The following AUNIP variants were observed in gnomAD, a reference collection of about 807,000 sequenced individuals.
The protein encoded by AUNIP is aurora kinase A- and ninein-interacting protein.
AUNIP carries 16 observed loss-of-function variants against 12.2 expected under a neutral mutation model. The ratio of observed to expected loss-of-function variants is 1.31; its 90% CI spans 0.88 to 1.99. The LOEUF (loss-of-function observed/expected upper bound fraction) is 1.99, where lower values mean the gene tolerates loss of function less well. AUNIP is among the 30% of genes most tolerant of loss of function. AUNIP has a pLI of 0.00. For missense variants in AUNIP, 411 were observed against 419.1 expected (o/e 0.98, Z 0.17); for synonymous variants, 142 against 154.8 (o/e 0.92, Z 0.61).
At chr1:25,856,849 T>C (rs930814354) in intron 1 of AUNIP, among the ~76,000 whole-genome samples, 1 of 151,978 alleles carries the variant, frequency 6.6e-6, no homozygotes, top group Non-Finnish European at 1.5e-5. Context: ...GGCTCACACC[T>C]GTAATCCCAG....
chr1:25,846,022 A>G (rs2048380701), intron 1 of AUNIP, among the ~76,000 whole-genome samples: 1 of 152,238 alleles, frequency 6.6e-6, no homozygotes, highest in Non-Finnish European at 1.5e-5. Flanking sequence ...TCTAAACCTC[A>G]TGAAAATTCA....
chr1:25,859,264 T>C lies in AUNIP; in HGVS notation c.78+16A>G, dbSNP rs761905416. The C allele has an allele frequency of 6.4e-7, 1 of 1,565,618 alleles. No individual in the cohort carries two copies. Among genetic ancestry groups the C allele is most frequent in the Non-Finnish European group, 8.6e-7 (1 of 1,157,032 alleles). On this transcript the variant is annotated intron_variant, in intron 1 of 2. Transcript: ENST00000374298. ...CTACCTGGTTCCCAACGCCCTCTCA[T>C]CCCCCAGCGTCCCACCTGCACTTTC...
At chr1:25,837,313 C>T (rs2048310088) in intron 2 of AUNIP, 100 bp downstream of exon 2, 3 of 1,378,964 alleles carry the variant, frequency 2.2e-6, no homozygotes, top group Admixed American at 4.6e-5. Context: ...TAACACAATG[C>T]ACTGGTTTCA....
intron 1 of AUNIP, among the ~76,000 whole-genome samples, chr1:25,840,632 T>C (rs893545666): frequency 2.0e-5 from 3 of 152,228 alleles, no homozygotes; most frequent in African/African-American, 7.2e-5. Flanking sequence ...ACTTTATGAC[T>C]ACTTTGAACA....
chr1:25,837,581 T>C (rs1384470953), intron 1 of AUNIP, 27 bp from the exon 2 acceptor site: 2 of 1,602,936 alleles, frequency 1.2e-6, no homozygotes, highest in African/African-American at 2.7e-5. Flanking sequence ...AAAAGAATAA[T>C]GAGCCTATTA....
chr1:25,834,250 T>TG lies in AUNIP; in HGVS notation c.*742dup. On this transcript the variant is annotated 3_prime_UTR_variant, in exon 3 of 3. Coordinates refer to ENST00000374298, the MANE Select transcript of AUNIP (RefSeq NM_024037.3). The stretch of plus-strand genomic sequence containing the variant: ...GGTTGTGGGGAGATTTGCTAATCAC[T>TG]GAAAAAAAAGGGTCAAGAGTAATCA... The TG allele has an allele frequency of 1.0e-6, 1 of 984,982 alleles. No individual in the cohort carries two copies. The highest frequency in any genetic ancestry group is 1.2e-6 in the Non-Finnish European group (1 of 829,804). The allele number at this position is 984,982 out of a possible 1,614,324, so 61.0% of individuals were successfully genotyped here. A position where few individuals can be genotyped will look rare whatever the true frequency, so the allele number is the denominator to read the frequency against.
At chr1:25,851,999 C>A (rs973475405) in intron 1 of AUNIP, among the ~76,000 whole-genome samples, 1 of 152,176 alleles carries the variant, frequency 6.6e-6, no homozygotes, top group Non-Finnish European at 1.5e-5. Flanking sequence ...CTTACCCAGG[C>A]TGGAGTGCAG....
At chr1:25,831,982 A>C, downstream of AUNIP, 1 of 1,614,158 alleles carries the variant, frequency 6.2e-7, no homozygotes, top group Non-Finnish European at 8.5e-7. Context: ...CCTAAGGAGG[A>C]AGTTTGCTCT....
At chr1:25,846,692 T>C (rs1463936247) in intron 1 of AUNIP, among the ~76,000 whole-genome samples, 2 of 152,222 alleles carry the variant, frequency 1.3e-5, no homozygotes, top group African/African-American at 2.4e-5. Flanking sequence ...CACTCCAGCC[T>C]GGGCAGCTAA....
Position 25,837,116 on chromosome 1 carries a change from G to A in AUNIP, c.220+297C>T, listed in dbSNP as rs115324021. Among the ~76,000 whole-genome samples the A allele has an allele frequency of 4.2e-3, 640 of 152,274 alleles. 3 individuals carry two copies. The highest frequency in any genetic ancestry group is 0.014 in the African/African-American group (575 of 41,552). The stretch of plus-strand genomic sequence containing the variant: ...GATATATACCACCTAACTAATGGCA[G>A]GGCAACTCCCCAGTGCACCTCCAAC... On this transcript the variant is annotated intron_variant, in intron 2 of 2. Coordinates refer to ENST00000374298, the MANE Select transcript of AUNIP (RefSeq NM_024037.3).
At chr1:25,852,154 A>T (rs891423472) in intron 1 of AUNIP, among the ~76,000 whole-genome samples, 2 of 151,836 alleles carry the variant, frequency 1.3e-5, no homozygotes, top group Admixed American at 6.6e-5. Context: ...GGGTCTCCCT[A>T]TGTTGCCCAG....
At position 25,848,356 on chromosome 1, in the gene AUNIP, G is replaced by A. The variant is rs114344810; in HGVS notation, c.79-10802C>T. The stretch of plus-strand genomic sequence containing the variant: ...TAATTAGCCTGGGTTGGTGGTGCAC[G>A]CCTGTAATCCAGCTACATGAAAGGC... On this transcript the variant is annotated intron_variant, in intron 1 of 2. Transcript: ENST00000374298. Among the ~76,000 whole-genome samples the A allele has an allele frequency of 1.9e-3, 289 of 152,006 alleles. 1 individual carries two copies. The highest frequency in any genetic ancestry group is 6.3e-3 in the African/African-American group (263 of 41,436).
At chr1:25,840,520 A>T (rs2048341309) in intron 1 of AUNIP, among the ~76,000 whole-genome samples, 1 of 152,176 alleles carries the variant, frequency 6.6e-6, no homozygotes. Context: ...AAAGATAGCC[A>T]ATACGAGATC....
At chr1:25,833,193 A>G (rs1392176848), downstream of AUNIP, among the ~76,000 whole-genome samples, 1 of 151,948 alleles carries the variant, frequency 6.6e-6, no homozygotes, top group Non-Finnish European at 1.5e-5. Flanking sequence ...AGCTAACTGC[A>G]GCCTCCAAAC....
At position 25,834,956 on chromosome 1, in the gene AUNIP, C is replaced by T. The variant is rs1247933160; in HGVS notation, c.*37G>A. 6.4e-7 allele frequency: 1 copy of T among 1,571,976 alleles called. No individual in the cohort carries two copies. The highest frequency in any genetic ancestry group is 2.2e-5 in the East Asian group (1 of 44,544). On this transcript the variant is annotated 3_prime_UTR_variant, in exon 3 of 3. Transcript: ENST00000374298. The stretch of plus-strand genomic sequence containing the variant: ...CAACTATATTTTCCTACATCTCTAT[C>T]ATTTCAAGGTACTTTTAGAAACAAA...
Position 25,859,344 on chromosome 1 carries a change from C to A in AUNIP, c.14G>T (p.Gly5Val), listed in dbSNP as rs144192106. MRRT[G>V]PEEEACGVWL... is the part of the protein sequence containing the mutation. Reference sequence around the variant, plus strand: ...CACGCCGCAGGCCTCCTCCTCGGGGCCTGTCCGCCTCATGGCCGCTGAGGA... The same window carrying A: ...CACGCCGCAGGCCTCCTCCTCGGGGACTGTCCGCCTCATGGCCGCTGAGGA... Residue 5 changes from glycine to valine, a missense_variant, in exon 1 of 3, where the codon GGC becomes GTC. Coordinates refer to ENST00000374298, the MANE Select transcript of AUNIP (RefSeq NM_024037.3). 4.5e-5 allele frequency: 69 copies of A among 1,548,330 alleles called. No individual in the cohort carries two copies. In the African/African-American group the frequency reaches 7.4e-4, roughly 17 times the overall value.
chr1:25,850,101 C>G lies in AUNIP; in HGVS notation c.78+9179G>C, dbSNP rs185618479. ...TCTCGGGGGTACATACTTAAATGGG[C>G]AAATTTTATGGTATATGAATCATAT... On this transcript the variant is annotated intron_variant, in intron 1 of 2. Coordinates refer to ENST00000374298, the MANE Select transcript of AUNIP (RefSeq NM_024037.3). Among the ~76,000 whole-genome samples the G allele has an allele frequency of 2.8e-4, 42 of 151,900 alleles. No homozygotes were observed. In the East Asian group the frequency reaches 8.2e-3, roughly 30 times the overall value.
chr1:25,851,360 T>C (rs1372685200), intron 1 of AUNIP, among the ~76,000 whole-genome samples: 1 of 152,214 alleles, frequency 6.6e-6, no homozygotes, highest in Non-Finnish European at 1.5e-5. Context: ...CTAGTTTTAG[T>C]ATCAGAGTAA....
In AUNIP at chr1:25,834,317, TA is replaced by T. The variant is rs1415768439; in HGVS notation, c.*675del. The stretch of plus-strand genomic sequence containing the variant: ...ATGTGGGTTAAGATCAGCCAGAGAT[TA>T]AAAGCTCACACATCTGGCTGGGCGC... On this transcript the variant is annotated 3_prime_UTR_variant, in exon 3 of 3. Transcript: ENST00000374298. 1.0e-6 allele frequency: 1 copy of T among 984,972 alleles called. No homozygotes were observed. The highest frequency in any genetic ancestry group is 1.2e-6 in the Non-Finnish European group (1 of 829,914). The allele number at this position is 984,972 out of a possible 1,614,324, so 61.0% of individuals were successfully genotyped here. A position where few individuals can be genotyped will look rare whatever the true frequency, so the allele number is the denominator to read the frequency against.
Sources: gnomAD v4.1 joint callset for allele counts (sites outside exome capture counted in the v4.1 genomes callset) on GRCh38, gnomAD v4.1.1 for gene constraint, MANE v1.5 for transcripts, NCBI Gene and HGNC (gene_info 2026-07-23, HGNC 2026-07-21) for gene names.